WDR64: variants seen among roughly 807,000 people sequenced by gnomAD.
The protein encoded by WDR64 is WD repeat-containing protein 64.
WDR64 carries 112 observed loss-of-function variants against 139.3 expected under a neutral mutation model. The ratio of observed to expected loss-of-function variants is 0.80; its 90% confidence interval spans 0.69 to 0.94. WDR64 has a LOEUF of 0.94. Ranked by LOEUF, WDR64 falls within the 40% of genes least tolerant of loss-of-function variation. WDR64 has a pLI of 0.00. For missense variants in WDR64, 1,206 were observed against 1,293.1 expected (o/e 0.93, Z 1.03); for synonymous variants, 444 against 437.7 (o/e 1.01, Z -0.18).
At position 241,661,101 on chromosome 1, in the gene WDR64, TA is replaced by T. The variant is rs543304759; in HGVS notation, c.276+448del. Among the ~76,000 whole-genome samples the T allele has an allele frequency of 2.0e-3, 298 of 152,130 alleles. 1 individual carries two copies. The highest frequency in any genetic ancestry group is 6.9e-3 in the African/African-American group (288 of 41,508). On this transcript the variant is annotated intron_variant, in intron 2 of 27. Coordinates refer to ENST00000437684, the MANE Select transcript of WDR64 (RefSeq NM_001367482.1). ...TTCTGATCACCATGGTATTTATTCTTAAAAAAATTACACATATCCATACAGA... is the reference window on the plus strand; with the variant it reads ...TTCTGATCACCATGGTATTTATTCTTAAAAAATTACACATATCCATACAGA...
At chr1:241,671,707 A>G (rs989898866) in intron 3 of WDR64, among the ~76,000 whole-genome samples, 5 of 152,004 alleles carry the variant, frequency 3.3e-5, no homozygotes, top group African/African-American at 1.2e-4. Context: ...TGAGCCTGGG[A>G]CCCAGGACCT....
At chr1:241,740,991 T>C (rs1253634806) in intron 11 of WDR64, among the ~76,000 whole-genome samples, 3 of 152,268 alleles carry the variant, frequency 2.0e-5, no homozygotes, top group Admixed American at 6.5e-5. Context: ...TATTTTTATA[T>C]TGATGTTGCA....
rs1237771842 is a variant in WDR64 at position 241,735,533 on chromosome 1, C to CCCTTTTT, written c.1195-2830_1195-2829insCCTTTTT. On this transcript the variant is annotated intron_variant, in intron 10 of 27. Coordinates refer to ENST00000437684, the MANE Select transcript of WDR64 (RefSeq NM_001367482.1). ...GTTCTCTGTCTCTCTCTCTCTCTCT[C>CCCTTTTT]TTTTTTTTTTTTTTTTTTTGATACG... Among the ~76,000 whole-genome samples the CCCTTTTT allele has an allele frequency of 4.3e-4, 45 of 103,488 alleles. 1 individual carries two copies. The highest frequency in any genetic ancestry group is 8.7e-4 in the East Asian group (3 of 3,442). 67.9% of individuals were successfully genotyped at this position (103,488 alleles called of 152,430 possible).
intron 13 of WDR64, 65 bp downstream of exon 13, chr1:241,744,581 C>A (rs1172097820): frequency 6.3e-7 from 1 of 1,597,710 alleles, no homozygotes; most frequent in African/African-American, 1.3e-5. Context: ...GCCAAAAACT[C>A]TTTCGTTCTT....
At chr1:241,688,192 G>T (rs74919439) in intron 8 of WDR64, among the ~76,000 whole-genome samples, 9,438 of 152,130 alleles carry the variant, frequency 0.062, 420 homozygotes, top group South Asian at 0.13. Flanking sequence ...GACTGCATAT[G>T]GTATGATTCC....
chr1:241,722,340 C>T (rs1238174387), intron 9 of WDR64, among the ~76,000 whole-genome samples: 1 of 151,900 alleles, frequency 6.6e-6, no homozygotes, highest in Non-Finnish European at 1.5e-5. Context: ...TTTAGTACAG[C>T]CATTTTGGAA....
chr1:241,783,200 G>T (rs1294602655), intron 22 of WDR64, 72 bp from the exon 23 acceptor site: 8 of 1,318,852 alleles, frequency 6.1e-6, no homozygotes, highest in Non-Finnish European at 3.2e-6. Context: ...AATGAGAAAT[G>T]ATTTTGTTGA....
Position 241,749,580 on chromosome 1 carries a change from A to C in WDR64, c.1628A>C (p.Gln543Pro). The C allele has an allele frequency of 6.2e-7, 1 of 1,614,110 alleles. No homozygotes were observed. The highest frequency in any genetic ancestry group is 8.5e-7 in the Non-Finnish European group (1 of 1,179,996). Residue 543 changes from glutamine (Q) to proline (P), a missense_variant, in exon 14 of 28, where the codon CAG becomes CCG. Transcript: ENST00000437684. ...TVRIWDFGSG[Q>P]EMKVLPEGKD... ...AGAATCTGGGACTTTGGCAGTGGGC[A>C]GGAGATGAAGGTGTTGCCGGAGGGG...
At chr1:241,785,632 T>A (rs952539681) in intron 23 of WDR64, among the ~76,000 whole-genome samples, 1 of 152,190 alleles carries the variant, frequency 6.6e-6, no homozygotes, top group African/African-American at 2.4e-5. Context: ...CCCTAGATAC[T>A]CAGTTCAAAG....
At chr1:241,751,084 T>C (rs1430728212) in intron 14 of WDR64, among the ~76,000 whole-genome samples, 6 of 152,162 alleles carry the variant, frequency 3.9e-5, no homozygotes, top group Non-Finnish European at 7.4e-5. Flanking sequence ...CATTCATTCA[T>C]TTTTTTCAAT....
At chr1:241,789,730 T>C (rs941316551) in intron 24 of WDR64, among the ~76,000 whole-genome samples, 13 of 152,074 alleles carry the variant, frequency 8.5e-5, no homozygotes, top group East Asian at 1.9e-4. Context: ...TGGGGCCTAC[T>C]TGAGGGTGGA....
chr1:241,728,021 G>A (rs1668915391), intron 10 of WDR64, among the ~76,000 whole-genome samples: 1 of 151,840 alleles, frequency 6.6e-6, no homozygotes, highest in Admixed American at 6.6e-5. Context: ...AAAGGAAAAG[G>A]GCAATTTAGG....
intron 21 of WDR64, among the ~76,000 whole-genome samples, chr1:241,776,691 T>G (rs72770248): frequency 0.05 from 7,610 of 152,336 alleles, 269 homozygotes; most frequent in Non-Finnish European, 0.077. Flanking sequence ...CAAATTTTGT[T>G]GCTTTCTAAA....
At chr1:241,796,714 G>C (rs953858131) in intron 27 of WDR64, among the ~76,000 whole-genome samples, 1 of 152,038 alleles carries the variant, frequency 6.6e-6, no homozygotes, top group Admixed American at 6.6e-5. Flanking sequence ...GGCTGGTCTC[G>C]AACTCCTGAC....
At chr1:241,701,639 T>C (rs1216533069) in intron 8 of WDR64, among the ~76,000 whole-genome samples, 1 of 150,834 alleles carries the variant, frequency 6.6e-6, no homozygotes, top group Non-Finnish European at 1.5e-5. Flanking sequence ...GTCAGTTGAG[T>C]AGTAATGACA....
intron 14 of WDR64, among the ~76,000 whole-genome samples, chr1:241,753,389 C>A (rs575142335): frequency 2.6e-5 from 4 of 152,154 alleles, no homozygotes; most frequent in African/African-American, 9.7e-5. Flanking sequence ...AATGGCCTCT[C>A]ATCAATAATA....
At chr1:241,771,973 T>C (rs1411156220) in intron 19 of WDR64, among the ~76,000 whole-genome samples, 3 of 131,194 alleles carry the variant, frequency 2.3e-5, no homozygotes, top group South Asian at 2.3e-4. Context: ...TATATATATA[T>C]ATATATATAT....
intron 8 of WDR64, among the ~76,000 whole-genome samples, chr1:241,689,831 C>G (rs1667146234): frequency 6.6e-6 from 1 of 151,782 alleles, no homozygotes; most frequent in African/African-American, 2.4e-5. Context: ...CTTTGATGGG[C>G]TCATTAGTAT....
In WDR64 at chr1:241,801,592, G is replaced by T. The variant is rs1485837889; in HGVS notation, c.*377G>T. The T allele has an allele frequency of 2.5e-6, 1 of 401,646 alleles. No individual in the cohort carries two copies. The highest frequency in any genetic ancestry group is 2.1e-5 in the African/African-American group (1 of 48,694). The allele number at this position is 401,646 out of a possible 1,614,324, so 24.9% of individuals were successfully genotyped here. A position where few individuals can be genotyped will look rare whatever the true frequency, so the allele number is the denominator to read the frequency against. Reference sequence around the variant, plus strand: ...GACTGTCAGAACATGTGCAGTAAAAGGCACTTTCAAGTCATGCTATGTGTT... The same window carrying T: ...GACTGTCAGAACATGTGCAGTAAAATGCACTTTCAAGTCATGCTATGTGTT... On this transcript the variant is annotated 3_prime_UTR_variant, in exon 28 of 28. Coordinates refer to ENST00000437684, the MANE Select transcript of WDR64 (RefSeq NM_001367482.1).
Sources: allele counts gnomAD v4.1 joint callset (sites outside exome capture counted in the v4.1 genomes callset), GRCh38; gene constraint gnomAD v4.1.1; transcripts MANE v1.5; gene names NCBI Gene and HGNC (gene_info 2026-07-23, HGNC 2026-07-21).